Variants in NLGN1 observed in about 807,000 individuals in gnomAD.
NLGN1 encodes the protein neuroligin-1.
NLGN1 carries 12 observed loss-of-function variants against 65.5 expected under a neutral mutation model. That is an observed-to-expected ratio of 0.18 (90% CI 0.12 to 0.30). The LOEUF (loss-of-function observed/expected upper bound fraction) is 0.30. Ranked by LOEUF, NLGN1 falls within the 10% of genes least tolerant of loss-of-function variation. NLGN1 has a pLI of 1.00. For synonymous variants in NLGN1, 350 were observed against 359.5 expected, an observed-to-expected ratio of 0.97 and a Z score of 0.30; for missense variants, 750 against 1,007.1, an observed-to-expected ratio of 0.74 and a Z score of 3.46.
intron 3 of NLGN1, among the ~76,000 whole-genome samples, chr3:173,767,246 G>C (rs1778909889): frequency 6.6e-6 from 1 of 151,984 alleles, no homozygotes; most frequent in African/African-American, 2.4e-5. Context: ...AGTCTGAAGG[G>C]ATTTCTTATA....
At chr3:173,471,466 A>G (rs1042132293) in intron 2 of NLGN1, among the ~76,000 whole-genome samples, 1 of 152,018 alleles carries the variant, frequency 6.6e-6, no homozygotes, top group Admixed American at 6.6e-5. Context: ...ATGGCGTTCT[A>G]TCTGTGTATG....
At chr3:173,455,882 G>A (rs1257258778) in intron 2 of NLGN1, among the ~76,000 whole-genome samples, 1 of 152,074 alleles carries the variant, frequency 6.6e-6, no homozygotes, top group African/African-American at 2.4e-5. Context: ...GTAGTTCGAA[G>A]GCCTGAGAAC....
chr3:173,672,884 T>C (rs1324608373), intron 3 of NLGN1, among the ~76,000 whole-genome samples: 2 of 152,128 alleles, frequency 1.3e-5, no homozygotes, highest in African/African-American at 4.8e-5. Flanking sequence ...ACTCAAAAAT[T>C]AGGGAATATT....
intron 4 of NLGN1, 116 bp from the exon 5 acceptor site, chr3:174,275,199 C>G (rs1750315387): frequency 2.9e-6 from 2 of 692,340 alleles, no homozygotes; most frequent in Admixed American, 2.8e-5. Context: ...ATAATTTTTA[C>G]TAATGAACTT....
At chr3:174,066,820 A>G (rs377251967) in intron 4 of NLGN1, among the ~76,000 whole-genome samples, 1 of 152,222 alleles carries the variant, frequency 6.6e-6, no homozygotes, top group African/African-American at 2.4e-5. Context: ...ACCAATACAC[A>G]AAGGGTTGGA....
At chr3:173,549,250 T>A (rs1740440699) in intron 2 of NLGN1, among the ~76,000 whole-genome samples, 1 of 152,046 alleles carries the variant, frequency 6.6e-6, no homozygotes, top group Non-Finnish European at 1.5e-5. Context: ...TACTTACCTG[T>A]TTCCTGAGTA....
intron 4 of NLGN1, among the ~76,000 whole-genome samples, chr3:173,976,552 C>T (rs988266179): frequency 1.3e-5 from 2 of 152,020 alleles, no homozygotes; most frequent in African/African-American, 4.8e-5. Context: ...TCTCAGTCAG[C>T]ATTTTTCCCC....
intron 3 of NLGN1, among the ~76,000 whole-genome samples, chr3:173,788,434 A>T (rs1286332907): frequency 2.0e-5 from 3 of 152,042 alleles, no homozygotes; most frequent in African/African-American, 7.2e-5. Context: ...TTACTGTGTG[A>T]TAGCAAAAAT....
intron 1 of NLGN1, among the ~76,000 whole-genome samples, chr3:173,412,311 G>GACGCACACACAC (rs1553842761): frequency 6.8e-6 from 1 of 147,522 alleles, no homozygotes; most frequent in Admixed American, 6.8e-5. Flanking sequence ...CTCTCACTCT[G>GACGCACACACAC]ACACACACAC....
At chr3:173,904,591 G>C (rs1006929534) in intron 4 of NLGN1, among the ~76,000 whole-genome samples, 1 of 151,370 alleles carries the variant, frequency 6.6e-6, no homozygotes, top group Admixed American at 6.6e-5. Flanking sequence ...ATTTCGGTAT[G>C]GCAGCTGGAG....
chr3:173,985,557 T>TG (rs1344493658), intron 4 of NLGN1, among the ~76,000 whole-genome samples: 1 of 152,246 alleles, frequency 6.6e-6, no homozygotes, highest in African/African-American at 2.4e-5. Flanking sequence ...TGACCATCAC[T>TG]GGCACAATAT....
chr3:173,523,558 G>C (rs1274112153), intron 2 of NLGN1, among the ~76,000 whole-genome samples: 1 of 151,484 alleles, frequency 6.6e-6, no homozygotes, highest in Non-Finnish European at 1.5e-5. Context: ...AAAGATTAGT[G>C]GGTTATAGAT....
At chr3:173,768,755 C>A (rs1779143115) in intron 3 of NLGN1, among the ~76,000 whole-genome samples, 1 of 152,078 alleles carries the variant, frequency 6.6e-6, no homozygotes, top group Non-Finnish European at 1.5e-5. Context: ...AGTAAAACAG[C>A]CCCAAAACCA....
intron 1 of NLGN1, among the ~76,000 whole-genome samples, chr3:173,417,830 C>G (rs75698152): frequency 1.4e-3 from 216 of 151,912 alleles, no homozygotes; most frequent in Non-Finnish European, 2.3e-3. Flanking sequence ...TTAGGTGTTT[C>G]TTCTTAAACT....
intron 4 of NLGN1, among the ~76,000 whole-genome samples, chr3:174,072,710 T>C (rs1164159496): frequency 6.6e-6 from 1 of 151,986 alleles, no homozygotes; most frequent in Non-Finnish European, 1.5e-5. Flanking sequence ...AGAAGGGTAT[T>C]GGTGTTTGCC....
chr3:174,265,781 ATG>A (rs1553984542), intron 4 of NLGN1, among the ~76,000 whole-genome samples: 14 of 134,680 alleles, frequency 1.0e-4, no homozygotes, highest in Middle Eastern at 8.0e-3. Context: ...ATATATATAT[ATG>A]TATATATATA....
At chr3:173,898,809 C>G (rs1181003178) in intron 4 of NLGN1, among the ~76,000 whole-genome samples, 6 of 152,144 alleles carry the variant, frequency 3.9e-5, no homozygotes, top group Non-Finnish European at 7.3e-5. Context: ...AGGATCAACA[C>G]ACTTTCAAAG....
intron 4 of NLGN1, among the ~76,000 whole-genome samples, chr3:174,142,075 G>A (rs1722384551): frequency 6.6e-6 from 1 of 151,988 alleles, no homozygotes; most frequent in African/African-American, 2.4e-5. Flanking sequence ...TTTTACTTTT[G>A]TGTTTATCAC....
chr3:173,765,733 G>A (rs1014313589), intron 3 of NLGN1, among the ~76,000 whole-genome samples: 8 of 151,956 alleles, frequency 5.3e-5, no homozygotes, highest in African/African-American at 1.9e-4. Context: ...TATATTATAC[G>A]GTAAGAATAC....
Sources: allele counts gnomAD v4.1 joint callset (sites outside exome capture counted in the v4.1 genomes callset), GRCh38; gene constraint gnomAD v4.1.1; transcripts MANE v1.5; gene names NCBI Gene and HGNC (gene_info 2026-07-23, HGNC 2026-07-21).